The following PLCL2 variants were observed in gnomAD, a reference collection of about 807,000 sequenced individuals.
The protein encoded by PLCL2 is inactive phospholipase C-like protein 2.
A neutral mutation model predicts 79.6 loss-of-function variants in PLCL2; 4 were observed. The observed-to-expected ratio is 0.05, with a 90% CI of 0.02 to 0.11. PLCL2 has a LOEUF of 0.11. Among genes scored for constraint, PLCL2 ranks in the 10% least tolerant of loss-of-function variants. The pLI is 1.00. For synonymous variants in PLCL2, 484 were observed against 457.7 expected, an observed-to-expected ratio of 1.06 and a Z score of -0.73; for missense variants, 895 against 1,291.0, an observed-to-expected ratio of 0.69 and a Z score of 4.70.
At chr3:16,904,066 T>C (rs1696692876) in intron 1 of PLCL2, among the ~76,000 whole-genome samples, 1 of 152,086 alleles carries the variant, frequency 6.6e-6, no homozygotes, top group Admixed American at 6.5e-5. Flanking sequence ...TAAGAAAACT[T>C]TAGTCCTGTG....
intron 1 of PLCL2, among the ~76,000 whole-genome samples, chr3:16,984,348 T>C (rs945300372): frequency 1.3e-5 from 2 of 152,150 alleles, no homozygotes; most frequent in African/African-American, 4.8e-5. Flanking sequence ...CTTAATAGAC[T>C]TATAATTGGT....
In PLCL2 at chr3:17,012,061, T is replaced by C. The variant is rs1236483198; in HGVS notation, c.2715T>C (p.Tyr905=). Reference sequence around the variant, plus strand: ...GAAAAGGGAAGAAATCCAGGGAATATGCATCTTTGAGAACACTGTGGATTA... The same window carrying C: ...GAAAAGGGAAGAAATCCAGGGAATACGCATCTTTGAGAACACTGTGGATTA... The part of the protein sequence containing the change: ...SVRKGKKSRE[Y]ASLRTLWIKT... Residue 905 remains tyrosine (Y), a synonymous_variant, in exon 2 of 6, where the codon TAT becomes TAC. Coordinates refer to ENST00000615277, the MANE Select transcript of PLCL2 (RefSeq NM_001144382.2). The C allele has an allele frequency of 1.5e-5, 24 of 1,614,056 alleles. No homozygotes were observed. Among genetic ancestry groups the C allele is most frequent in the Non-Finnish European group, 1.9e-5 (23 of 1,180,004 alleles).
chr3:16,981,504 C>A (rs2063997860), intron 1 of PLCL2, among the ~76,000 whole-genome samples: 1 of 152,112 alleles, frequency 6.6e-6, no homozygotes, highest in African/African-American at 2.4e-5. Flanking sequence ...AAATAGTAAT[C>A]AAGTTTTCTG....
At chr3:16,974,852 G>A (rs2063907823) in intron 1 of PLCL2, among the ~76,000 whole-genome samples, 1 of 152,234 alleles carries the variant, frequency 6.6e-6, no homozygotes, top group Admixed American at 6.5e-5. Flanking sequence ...CATAATAGAT[G>A]AGTATTGGGT....
intron 1 of PLCL2, among the ~76,000 whole-genome samples, chr3:16,929,015 G>C (rs981957135): frequency 2.6e-5 from 4 of 152,118 alleles, no homozygotes; most frequent in African/African-American, 9.7e-5. Flanking sequence ...ATTGGGCAGG[G>C]GGGTGGTGGT....
chr3:17,071,882 A>G (rs1344862087), intron 5 of PLCL2, among the ~76,000 whole-genome samples: 1 of 151,334 alleles, frequency 6.6e-6, no homozygotes, highest in East Asian at 1.9e-4. Context: ...GCTGGAGTCC[A>G]GTGGCACAAT....
intron 3 of PLCL2, among the ~76,000 whole-genome samples, chr3:17,027,461 G>T (rs1451889435): frequency 6.6e-6 from 1 of 152,170 alleles, no homozygotes; most frequent in East Asian, 1.9e-4. Flanking sequence ...AGTTGCGACA[G>T]AAACTAAGCC....
chr3:17,031,602 A>G (rs1189581460), intron 3 of PLCL2, among the ~76,000 whole-genome samples: 2 of 152,132 alleles, frequency 1.3e-5, no homozygotes, highest in African/African-American at 4.8e-5. Context: ...GTGCAAAGCA[A>G]TTTATCATGT....
chr3:17,022,761 C>A (rs577773908), intron 3 of PLCL2, among the ~76,000 whole-genome samples: 21 of 152,128 alleles, frequency 1.4e-4, no homozygotes, highest in Non-Finnish European at 2.8e-4. Context: ...CCTTTAATCA[C>A]CTTATGCTGT....
intron 1 of PLCL2, among the ~76,000 whole-genome samples, chr3:16,938,000 C>T (rs1697584720): frequency 6.6e-6 from 1 of 152,134 alleles, no homozygotes; most frequent in Non-Finnish European, 1.5e-5. Flanking sequence ...TTTGATGTTC[C>T]ATATTAAAAT....
intron 1 of PLCL2, among the ~76,000 whole-genome samples, chr3:16,896,870 A>G (rs1194348157): frequency 6.6e-6 from 1 of 152,246 alleles, no homozygotes; most frequent in East Asian, 1.9e-4. Flanking sequence ...ATTCTAAAAC[A>G]TACTAATGTG....
intron 3 of PLCL2, among the ~76,000 whole-genome samples, chr3:17,025,570 A>T (rs1056558800): frequency 2.6e-5 from 4 of 152,214 alleles, no homozygotes; most frequent in African/African-American, 7.2e-5. Context: ...ACCAGTTTAT[A>T]TGAGAAATCA....
chr3:17,083,570 G>A (rs964674597), intron 5 of PLCL2, among the ~76,000 whole-genome samples: 6 of 152,310 alleles, frequency 3.9e-5, no homozygotes, highest in African/African-American at 1.2e-4. Flanking sequence ...TGAGCTCTCT[G>A]GCTGTCACGT....
chr3:17,089,621 T>G (rs1474942049), intron 5 of PLCL2, 112 bp from the exon 6 acceptor site: 2 of 691,162 alleles, frequency 2.9e-6, no homozygotes, highest in Non-Finnish European at 4.9e-6. Context: ...GAAATAATTA[T>G]GCCTTCTTGT....
rs547977663 is a variant in PLCL2, at chr3:16,975,041, A to G, written c.328-34633A>G. On this transcript the variant is annotated intron_variant, in intron 1 of 5. Coordinates refer to ENST00000615277, the MANE Select transcript of PLCL2 (RefSeq NM_001144382.2). The stretch of plus-strand genomic sequence containing the variant: ...GAGCTGGTCTGCTCAAGTAGAGGAA[A>G]GGGTGCTTACTTCAGGTCTGGCCTT... Among the ~76,000 whole-genome samples, 3 of 152,296 alleles carry G rather than the reference A, an allele frequency of 2.0e-5. No individual in the cohort carries two copies. In the East Asian group the frequency reaches 5.8e-4, roughly 29 times the overall value.
intron 1 of PLCL2, among the ~76,000 whole-genome samples, chr3:16,958,753 G>T (rs931679499): frequency 3.9e-5 from 6 of 152,138 alleles, no homozygotes; most frequent in Non-Finnish European, 8.8e-5. Context: ...ATTGGTATTT[G>T]TTTTCTATAA....
intron 5 of PLCL2, among the ~76,000 whole-genome samples, chr3:17,089,126 G>T (rs1265140313): frequency 6.6e-6 from 1 of 152,176 alleles, no homozygotes; most frequent in Non-Finnish European, 1.5e-5. Flanking sequence ...GAGGAGGGGT[G>T]GGTGTGACTT....
At chr3:16,942,211 T>C (rs1200739719) in intron 1 of PLCL2, among the ~76,000 whole-genome samples, 1 of 152,162 alleles carries the variant, frequency 6.6e-6, no homozygotes, top group Admixed American at 6.5e-5. Context: ...AAATCTGGAG[T>C]GAGAATCTGC....
At chr3:16,943,487 A>G (rs1447763771) in intron 1 of PLCL2, among the ~76,000 whole-genome samples, 1 of 152,204 alleles carries the variant, frequency 6.6e-6, no homozygotes, top group Non-Finnish European at 1.5e-5. Flanking sequence ...TATTGGCAAT[A>G]ACATTATTAT....
Sources: allele counts gnomAD v4.1 joint callset (sites outside exome capture counted in the v4.1 genomes callset), GRCh38; gene constraint gnomAD v4.1.1; transcripts MANE v1.5; gene names NCBI Gene and HGNC (gene_info 2026-07-23, HGNC 2026-07-21).